Variants in RBFOX1 observed in about 807,000 individuals in gnomAD.
RBFOX1 encodes RNA binding protein fox-1 homolog 1.
RBFOX1 carries 8 observed loss-of-function variants against 57.7 expected under a neutral mutation model. The ratio of observed to expected loss-of-function variants is 0.14; its 90% CI spans 0.08 to 0.25. The LOEUF (loss-of-function observed/expected upper bound fraction) is 0.25, where lower values mean the gene tolerates loss of function less well. Ranked by LOEUF, RBFOX1 falls within the 10% of genes least tolerant of loss-of-function variation. RBFOX1 has a pLI of 1.00. For synonymous variants in RBFOX1, 326 were observed against 222.4 expected, an observed-to-expected ratio of 1.47 and a Z score of -4.15; for missense variants, 611 against 548.5, an observed-to-expected ratio of 1.11 and a Z score of -1.14.
chr16:7,139,182 G>C (rs62017066), intron 4 of RBFOX1, among the ~76,000 whole-genome samples: 13 of 60,664 alleles, frequency 2.1e-4, no homozygotes, highest in East Asian at 1.2e-3. Flanking sequence ...CTCTCTGTGT[G>C]TGTGTGTGTG....
At chr16:5,490,299 C>T (rs1220451067) in intron 2 of RBFOX1, among the ~76,000 whole-genome samples, 87 of 152,226 alleles carry the variant, frequency 5.7e-4, no homozygotes, top group Non-Finnish European at 5.9e-5. Flanking sequence ...ATTAAGTCCT[C>T]ATTGCAACCC....
intron 3 of RBFOX1, among the ~76,000 whole-genome samples, chr16:5,820,806 T>C (rs760913455): frequency 8.5e-5 from 13 of 152,284 alleles, no homozygotes; most frequent in Middle Eastern, 3.4e-3. Context: ...GACAAGCCAG[T>C]CTAGATCCAG....
At chr16:6,419,250 C>T (rs1178471456) in intron 2 of RBFOX1, among the ~76,000 whole-genome samples, 2 of 152,124 alleles carry the variant, frequency 1.3e-5, no homozygotes, top group African/African-American at 2.4e-5. Flanking sequence ...TTTCTACTGT[C>T]CAGGTATATG....
At chr16:5,578,213 G>C (rs1457479833) in intron 2 of RBFOX1, among the ~76,000 whole-genome samples, 1 of 152,186 alleles carries the variant, frequency 6.6e-6, no homozygotes, top group Non-Finnish European at 1.5e-5. Context: ...GCCTCCCAGA[G>C]TGCTGGGATT....
intron 3 of RBFOX1, among the ~76,000 whole-genome samples, chr16:5,690,290 A>G (rs1001062878): frequency 6.6e-5 from 10 of 152,332 alleles, no homozygotes; most frequent in African/African-American, 2.2e-4. Flanking sequence ...GTGCTTCTGT[A>G]TGATGGATTG....
intron 1 of RBFOX1, among the ~76,000 whole-genome samples, chr16:6,114,190 G>T (rs911228466): frequency 3.3e-5 from 5 of 152,066 alleles, no homozygotes; most frequent in African/African-American, 1.2e-4. Context: ...TCTCTTGTTG[G>T]TTATTTTACA....
intron 4 of RBFOX1, among the ~76,000 whole-genome samples, chr16:5,905,908 A>T (rs1037146221): frequency 6.6e-6 from 1 of 152,102 alleles, no homozygotes; most frequent in African/African-American, 2.4e-5. Context: ...CTTTTTCCCG[A>T]CGATGGAGGA....
chr16:5,446,826 G>A (rs536044934), intron 1 of RBFOX1, among the ~76,000 whole-genome samples: 2 of 152,126 alleles, frequency 1.3e-5, no homozygotes, highest in African/African-American at 4.8e-5. Context: ...AGAGGGCACT[G>A]TGTATTAGGT....
chr16:6,158,915 T>G (rs925603677), intron 1 of RBFOX1, among the ~76,000 whole-genome samples: 10 of 152,056 alleles, frequency 6.6e-5, no homozygotes, highest in African/African-American at 2.2e-4. Flanking sequence ...GGTTTGTTTT[T>G]TTTTTTTGAG....
chr16:5,663,462 C>T (rs2049724690), intron 3 of RBFOX1, among the ~76,000 whole-genome samples: 1 of 151,956 alleles, frequency 6.6e-6, no homozygotes, highest in African/African-American at 2.4e-5. Flanking sequence ...ACTTCAGCCC[C>T]CGAAAATGCT....
At chr16:6,962,249 C>A (rs1357812863) in intron 3 of RBFOX1, among the ~76,000 whole-genome samples, 1 of 152,110 alleles carries the variant, frequency 6.6e-6, no homozygotes, top group Non-Finnish European at 1.5e-5. Context: ...TGTCAGACCT[C>A]CCTCTCCTTT....
intron 4 of RBFOX1, 70 bp from the exon 5 acceptor site, chr16:7,518,077 G>C (rs1366853455): frequency 1.3e-6 from 2 of 1,539,478 alleles, no homozygotes; most frequent in African/African-American, 2.7e-5. Flanking sequence ...CCTGGGATCT[G>C]GGAGGAAGGT....
intron 2 of RBFOX1, among the ~76,000 whole-genome samples, chr16:5,477,315 C>T (rs921039578): frequency 7.9e-5 from 12 of 152,254 alleles, no homozygotes; most frequent in East Asian, 5.8e-4. Context: ...GCACTCAATG[C>T]GCTGCTACGT....
intron 1 of RBFOX1, among the ~76,000 whole-genome samples, chr16:6,254,170 C>G (rs542102655): frequency 6.6e-6 from 1 of 152,212 alleles, no homozygotes; most frequent in Admixed American, 6.5e-5. Context: ...TAGCATTTAT[C>G]GAATATCTAC....
intron 4 of RBFOX1, among the ~76,000 whole-genome samples, chr16:7,478,334 A>G (rs545031195): frequency 6.6e-6 from 1 of 152,244 alleles, no homozygotes; most frequent in Non-Finnish European, 1.5e-5. Flanking sequence ...CAAGAGGAAG[A>G]TAGACTTTAC....
chr16:7,629,783 G>A (rs535798375), intron 10 of RBFOX1, among the ~76,000 whole-genome samples: 4 of 152,296 alleles, frequency 2.6e-5, no homozygotes, highest in South Asian at 2.1e-4. Flanking sequence ...AGTGCCCTTC[G>A]CTTTAAATCA....
At chr16:5,976,184 A>AAAATT (rs1303149173) in intron 4 of RBFOX1, among the ~76,000 whole-genome samples, 1 of 152,014 alleles carries the variant, frequency 6.6e-6, no homozygotes, top group East Asian at 1.9e-4. Flanking sequence ...AAAATAAAAT[A>AAAATT]ATTAGTATTT....
intron 1 of RBFOX1, among the ~76,000 whole-genome samples, chr16:5,257,696 C>T (rs1358737926): frequency 1.3e-5 from 2 of 152,176 alleles, no homozygotes; most frequent in African/African-American, 2.4e-5. Context: ...TGAAGCAAGG[C>T]GCATGGGTCG....
At chr16:6,504,782 G>A (rs1323838355) in intron 2 of RBFOX1, among the ~76,000 whole-genome samples, 2 of 152,186 alleles carry the variant, frequency 1.3e-5, no homozygotes, top group South Asian at 2.1e-4. Context: ...CTGGCCAGGT[G>A]CAGTGGCTCA....
Sources: allele counts gnomAD v4.1 joint callset (sites outside exome capture counted in the v4.1 genomes callset), GRCh38; gene constraint gnomAD v4.1.1; transcripts MANE v1.5; gene names NCBI Gene and HGNC (gene_info 2026-07-23, HGNC 2026-07-21).